The following MYH7B variants were observed in gnomAD, a reference collection of about 807,000 sequenced individuals.
The protein encoded by MYH7B is myosin heavy chain 7B.
MYH7B carries 205 observed loss-of-function variants against 234.5 expected under a neutral mutation model. That is an observed-to-expected ratio of 0.87 (90% CI 0.78 to 0.98). MYH7B has a LOEUF of 0.98. MYH7B is among the 50% of genes least tolerant of loss of function. MYH7B has a pLI of 0.00. For synonymous variants in MYH7B, 1,193 were observed against 1,105.0 expected (o/e 1.08, Z -1.58); for missense variants, 2,652 against 2,633.4 (o/e 1.01, Z -0.15).
chr20:34,986,074 G>A, intron 13 of MYH7B, 26 bp from the exon 14 acceptor site: 1 of 1,551,658 alleles, frequency 6.4e-7, no homozygotes, highest in Non-Finnish European at 8.7e-7. Flanking sequence ...TGTGGGAGAT[G>A]GCAGGCCAGC....
intron 2 of MYH7B, among the ~76,000 whole-genome samples, chr20:34,968,270 G>T (rs2081761248): frequency 6.6e-6 from 1 of 152,244 alleles, no homozygotes; most frequent in Non-Finnish European, 1.5e-5. Context: ...AAAGCTGAAG[G>T]AGAAACATTG....
chr20:35,000,645 G>A, exon 39 of MYH7B: 2 of 1,581,892 alleles, frequency 1.3e-6, no homozygotes, highest in Non-Finnish European at 1.7e-6. Context: ...GGCAGAGCAG[G>A]AGCTTTTGGA....
intron 10 of MYH7B, among the ~76,000 whole-genome samples, chr20:34,983,162 G>C (rs763630759): frequency 6.6e-6 from 1 of 152,130 alleles, no homozygotes; most frequent in African/African-American, 2.4e-5. Flanking sequence ...CCAGAAGCCC[G>C]AGGCCTCCCT....
chr20:34,992,513 G>T lies in MYH7B; in HGVS notation c.2184-589G>T, dbSNP rs980319126. Among the ~76,000 whole-genome samples, 10 of 150,006 alleles carry T rather than the reference G, an allele frequency of 6.7e-5. No individual in the cohort carries two copies. In the East Asian group the frequency reaches 1.8e-3, roughly 26 times the overall value. On this transcript the variant is annotated intron_variant, in intron 24 of 44. Coordinates refer to ENST00000262873, the Ensembl canonical transcript of MYH7B. ...AAATAGTGCATGCCTTCTGTAAAAA[G>T]CCTCTTTAAAAACTTAATGAATGCA... is the stretch of plus-strand genomic sequence containing the variant.
intron 2 of MYH7B, among the ~76,000 whole-genome samples, chr20:34,971,827 G>A (rs191702893): frequency 5.0e-4 from 76 of 152,284 alleles, no homozygotes; most frequent in Non-Finnish European, 9.3e-4. Context: ...CTTTGATGGC[G>A]CCCCAACTCC....
chr20:34,963,657 TCGAAG>T (rs2081717991), intron 2 of MYH7B, among the ~76,000 whole-genome samples: 1 of 152,248 alleles, frequency 6.6e-6, no homozygotes, highest in African/African-American at 2.4e-5. Flanking sequence ...ATTGCCTAAT[TCGAAG>T]GTCACAAAGA....
exon 45 of MYH7B, chr20:35,002,202 T>C: frequency 6.6e-7 from 1 of 1,523,156 alleles, no homozygotes. Context: ...CCTGACCCCC[T>C]GGGCTCTAAA....
chr20:34,971,948 T>TG (rs1168467091), intron 2 of MYH7B, among the ~76,000 whole-genome samples: 1 of 152,144 alleles, frequency 6.6e-6, no homozygotes, highest in Non-Finnish European at 1.5e-5. Context: ...CAGCTGCAGC[T>TG]GGTGGGGCTG....
At chr20:34,990,354 C>T in intron 22 of MYH7B, 44 bp downstream of exon 22, 2 of 1,607,098 alleles carry the variant, frequency 1.2e-6, no homozygotes, top group Non-Finnish European at 1.7e-6. Context: ...TTGGCAGCCT[C>T]CAGCCCCGTC....
chr20:34,998,684 C>T lies in MYH7B; in HGVS notation c.3994-35C>T, dbSNP rs113713362. 7 of 1,611,902 alleles carry T rather than the reference C, an allele frequency of 4.3e-6. No individual in the cohort carries two copies. The African/African-American group carries it at 9.3e-5, about 22-fold the overall frequency. ...GCAGGTGGGCACCAGAGCCACTGGG[C>T]TGCACTAACGCTGAGGTCACTGGTG... On this transcript the variant is annotated intron_variant, in intron 34 of 44. Transcript: ENST00000262873.
intron 2 of MYH7B, among the ~76,000 whole-genome samples, chr20:34,962,578 T>C (rs1045209080): frequency 2.0e-5 from 3 of 152,240 alleles, no homozygotes; most frequent in East Asian, 1.9e-4. Context: ...ATATAAACTA[T>C]ATGCATCCTC....
chr20:34,997,166 A>G (rs2082276404), exon 31 of MYH7B: 2 of 1,549,772 alleles, frequency 1.3e-6, no homozygotes, highest in Admixed American at 2.0e-5. Context: ...AAGATCAAGG[A>G]GCTGCAGGTG....
chr20:34,969,540 C>CTTTTTT (rs770172832), intron 2 of MYH7B, among the ~76,000 whole-genome samples: 6 of 126,788 alleles, frequency 4.7e-5, no homozygotes, highest in Admixed American at 8.6e-5. Flanking sequence ...TCTTCTGCTC[C>CTTTTTT]TTTTTTTTTT....
intron 13 of MYH7B, 90 bp downstream of exon 13, chr20:34,985,219 C>A: frequency 7.9e-7 from 1 of 1,258,184 alleles, no homozygotes; most frequent in Non-Finnish European, 1.2e-6. Flanking sequence ...TTCTGGGCTC[C>A]TGCCTGCTCT....
exon 40 of MYH7B, chr20:35,000,800 G>A (rs2082358820): frequency 6.2e-7 from 1 of 1,614,026 alleles, no homozygotes. Context: ...AGAAGAAGCT[G>A]GAGGCGGACT....
intron 2 of MYH7B, among the ~76,000 whole-genome samples, chr20:34,960,246 G>GT (rs1555890185): frequency 6.6e-6 from 1 of 151,730 alleles, no homozygotes; most frequent in African/African-American, 2.4e-5. Context: ...TTTTGTTTTT[G>GT]TTTTTTTGAG....
intron 24 of MYH7B, among the ~76,000 whole-genome samples, chr20:34,992,737 T>G (rs1373289625): frequency 1.3e-5 from 2 of 151,936 alleles, no homozygotes; most frequent in Non-Finnish European, 2.9e-5. Context: ...GCCCCACTAA[T>G]TTTTGTGTTT....
At chr20:35,000,925 G>C (rs1261610346) in intron 40 of MYH7B, 32 bp downstream of exon 40, 1 of 1,609,724 alleles carries the variant, frequency 6.2e-7, no homozygotes, top group Non-Finnish European at 8.5e-7. Context: ...GGGGAGCCTG[G>C]GACAGAATTG....
intron 2 of MYH7B, among the ~76,000 whole-genome samples, chr20:34,962,908 G>C (rs1168424203): frequency 1.3e-5 from 2 of 152,206 alleles, no homozygotes; most frequent in Admixed American, 6.5e-5. Flanking sequence ...GACCAGCCTG[G>C]CCAACATGGC....
Sources: allele counts gnomAD v4.1 joint callset (sites outside exome capture counted in the v4.1 genomes callset), GRCh38; gene constraint gnomAD v4.1.1; transcripts MANE v1.5; gene names NCBI Gene and HGNC (gene_info 2026-07-23, HGNC 2026-07-21).